The following GABRB1 variants were observed in gnomAD, a reference collection of about 807,000 sequenced individuals.
GABRB1 encodes the protein gamma-aminobutyric acid type A receptor subunit beta1, also known as gamma-aminobutyric acid receptor subunit beta-1.
A neutral mutation model predicts 51.6 loss-of-function variants in GABRB1; 17 were observed. The observed-to-expected ratio is 0.33, with a 90% CI of 0.23 to 0.49. GABRB1 has a LOEUF of 0.49. Ranked by LOEUF, GABRB1 falls within the 20% of genes least tolerant of loss-of-function variation. GABRB1 has a pLI of 0.99. For missense variants in GABRB1, 410 were observed against 600.6 expected, an observed-to-expected ratio of 0.68 and a Z score of 3.32; for synonymous variants, 247 against 218.9, an observed-to-expected ratio of 1.13 and a Z score of -1.14.
intron 4 of GABRB1, among the ~76,000 whole-genome samples, chr4:47,200,872 C>T (rs1032760334): frequency 2.6e-5 from 4 of 152,036 alleles, no homozygotes; most frequent in African/African-American, 4.8e-5. Context: ...TTAATACCTC[C>T]CTGTTACTTG....
intron 4 of GABRB1, among the ~76,000 whole-genome samples, chr4:47,200,323 G>C (rs993777): frequency 0.69 from 105,147 of 152,018 alleles, 37,102 homozygotes; most frequent in Middle Eastern, 0.86. Context: ...CCCTAGCTGT[G>C]AGTGGCTGAG....
intron 3 of GABRB1, among the ~76,000 whole-genome samples, chr4:47,090,813 G>C (rs528489419): frequency 3.3e-5 from 5 of 149,928 alleles, no homozygotes; most frequent in African/African-American, 1.2e-4. Context: ...GCAATTTGAG[G>C]CCTACATGCC....
At chr4:47,302,861 G>C (rs1724313943) in intron 4 of GABRB1, among the ~76,000 whole-genome samples, 1 of 151,900 alleles carries the variant, frequency 6.6e-6, no homozygotes, top group African/African-American at 2.4e-5. Flanking sequence ...CCATAAACCT[G>C]AAAATGTTTA....
chr4:47,273,014 A>G (rs1476910367), intron 4 of GABRB1, among the ~76,000 whole-genome samples: 4 of 152,168 alleles, frequency 2.6e-5, no homozygotes, highest in African/African-American at 9.7e-5. Context: ...TCGTTTATTC[A>G]GTAGTTAATT....
intron 4 of GABRB1, among the ~76,000 whole-genome samples, chr4:47,205,706 T>C (rs2109803318): frequency 6.6e-6 from 1 of 152,258 alleles, no homozygotes; most frequent in South Asian, 2.1e-4. Flanking sequence ...AATCTCTTCA[T>C]TTCTTTTTGA....
intron 4 of GABRB1, among the ~76,000 whole-genome samples, chr4:47,290,888 C>T (rs1723701339): frequency 6.6e-6 from 1 of 152,056 alleles, no homozygotes; most frequent in African/African-American, 2.4e-5. Flanking sequence ...GGAAGCAGAG[C>T]ATAAAAGTTT....
At chr4:47,109,068 C>T (rs1203339713) in intron 3 of GABRB1, among the ~76,000 whole-genome samples, 1 of 152,064 alleles carries the variant, frequency 6.6e-6, no homozygotes, top group Non-Finnish European at 1.5e-5. Context: ...CATTAAAACA[C>T]TCTACAAGTC....
chr4:47,226,022 A>G (rs1720933931), intron 4 of GABRB1, among the ~76,000 whole-genome samples: 1 of 152,170 alleles, frequency 6.6e-6, no homozygotes, highest in Non-Finnish European at 1.5e-5. Flanking sequence ...GGGATGTACA[A>G]CAATGCAAGG....
intron 5 of GABRB1, among the ~76,000 whole-genome samples, chr4:47,322,528 A>T (rs1485788165): frequency 1.3e-5 from 2 of 152,174 alleles, no homozygotes; most frequent in African/African-American, 4.8e-5. Context: ...CACTTGAGAG[A>T]TGATATACTT....
intron 3 of GABRB1, among the ~76,000 whole-genome samples, chr4:47,058,305 T>G (rs1726704591): frequency 6.6e-6 from 1 of 152,096 alleles, no homozygotes; most frequent in South Asian, 2.1e-4. Flanking sequence ...AGCAAATAGA[T>G]TGGGAAAAAG....
intron 5 of GABRB1, among the ~76,000 whole-genome samples, chr4:47,378,782 G>A (rs968472395): frequency 1.3e-5 from 2 of 150,614 alleles, no homozygotes; most frequent in Non-Finnish European, 3.0e-5. Flanking sequence ...CACTGCTCCC[G>A]GCCGGAGTTT....
chr4:47,276,844 C>G (rs1410938290), intron 4 of GABRB1, among the ~76,000 whole-genome samples: 1 of 152,042 alleles, frequency 6.6e-6, no homozygotes, highest in African/African-American at 2.4e-5. Flanking sequence ...GCGTACCACC[C>G]TAGTCATGAC....
chr4:47,372,011 C>T (rs548668018), intron 5 of GABRB1, among the ~76,000 whole-genome samples: 99 of 152,252 alleles, frequency 6.5e-4, no homozygotes, highest in African/African-American at 2.2e-3. Flanking sequence ...AAATCTTTGC[C>T]TGTGCTTATG....
chr4:47,113,764 T>C (rs1715342186), intron 3 of GABRB1, among the ~76,000 whole-genome samples: 1 of 152,238 alleles, frequency 6.6e-6, no homozygotes, highest in South Asian at 2.1e-4. Context: ...TGGCAACCAA[T>C]GTTTTTTGTT....
At chr4:47,197,708 C>G (rs910474491) in intron 4 of GABRB1, among the ~76,000 whole-genome samples, 1 of 152,160 alleles carries the variant, frequency 6.6e-6, no homozygotes, top group African/African-American at 2.4e-5. Flanking sequence ...TTTCTAAGCG[C>G]TAGCTTAGTG....
chr4:47,017,626 T>TCA, intron 1 of GABRB1, among the ~76,000 whole-genome samples: 1 of 152,122 alleles, frequency 6.6e-6, no homozygotes, highest in South Asian at 2.1e-4. Context: ...ATTTATTTTT[T>TCA]CACACTCACA....
At chr4:47,046,327 A>T (rs900554936) in intron 3 of GABRB1, among the ~76,000 whole-genome samples, 1 of 152,142 alleles carries the variant, frequency 6.6e-6, no homozygotes, top group South Asian at 2.1e-4. Context: ...GAGTTTTTAC[A>T]CCAAAGTTTG....
Position 47,339,091 on chromosome 4 carries a change from C to A in GABRB1, c.544+18882C>A, listed in dbSNP as rs148087042. ...CATGAACTATTCTAGGCAAAACAAG[C>A]CCCAGCTCTAATGTACCTTATTATC... On this transcript the variant is annotated intron_variant, in intron 5 of 8. Coordinates refer to ENST00000295454, the MANE Select transcript of GABRB1 (RefSeq NM_000812.4). 7.4e-3 allele frequency among the ~76,000 whole-genome samples: 1,119 copies of A among 152,224 alleles called. 14 individuals carry two copies. Among genetic ancestry groups the A allele is most frequent in the African/African-American group, 0.026 (1,065 of 41,536 alleles).
At chr4:47,055,632 T>A (rs1300153169) in intron 3 of GABRB1, among the ~76,000 whole-genome samples, 1 of 152,150 alleles carries the variant, frequency 6.6e-6, no homozygotes, top group African/African-American at 2.4e-5. Context: ...ACTTGACACC[T>A]GGGCTTTATT....
Sources: gnomAD v4.1 joint callset for allele counts (sites outside exome capture counted in the v4.1 genomes callset) on GRCh38, gnomAD v4.1.1 for gene constraint, MANE v1.5 for transcripts, NCBI Gene and HGNC (gene_info 2026-07-23, HGNC 2026-07-21) for gene names.